The following ERAP1 variants were observed in gnomAD, a reference collection of about 807,000 sequenced individuals.
The protein encoded by ERAP1 is adipocyte-derived leucine aminopeptidase.
A neutral mutation model predicts 103.7 loss-of-function variants in ERAP1; 86 were observed. That is an observed-to-expected ratio of 0.83 (90% CI 0.70 to 0.99). ERAP1 has a LOEUF of 0.99. Ranked by LOEUF, ERAP1 falls within the 50% of genes least tolerant of loss-of-function variation. The pLI is 0.00. For missense variants in ERAP1, 1,009 were observed against 1,128.4 expected (o/e 0.89, Z 1.52); for synonymous variants, 398 against 402.4 (o/e 0.99, Z 0.13).
At chr5:96,842,965 G>A in the ERAP1 span, among the ~76,000 whole-genome samples, 3 of 152,068 alleles carry the variant, frequency 2.0e-5, no homozygotes, top group African/African-American at 7.2e-5. Context: ...TGTATAAGGC[G>A]AGGGGTGAGG....
chr5:96,815,784 C>CA, the ERAP1 span, among the ~76,000 whole-genome samples: 3 of 151,434 alleles, frequency 2.0e-5, no homozygotes, highest in Admixed American at 6.6e-5. Context: ...TAAATTGAAG[C>CA]AAAAAAATAC....
chr5:96,805,286 G>A (rs1225123181), intron 1 of ERAP1, among the ~76,000 whole-genome samples: 1 of 151,430 alleles, frequency 6.6e-6, no homozygotes, highest in African/African-American at 2.4e-5. Flanking sequence ...CAATTAAACT[G>A]GAACCTATGG....
the ERAP1 span, among the ~76,000 whole-genome samples, chr5:96,854,647 T>C: frequency 4.7e-4 from 71 of 152,298 alleles, no homozygotes; most frequent in Non-Finnish European, 8.7e-4. Flanking sequence ...AATACAGGTT[T>C]GAAATCAAGA....
chr5:96,795,586 AG>A (rs1209950939), intron 4 of ERAP1, among the ~76,000 whole-genome samples: 4 of 152,252 alleles, frequency 2.6e-5, no homozygotes, highest in Non-Finnish European at 5.9e-5. Context: ...GCCTGCCCAA[AG>A]TAGAAAGTCT....
At chr5:96,766,373 G>C (rs1769975818) in intron 19 of ERAP1, among the ~76,000 whole-genome samples, 1 of 152,118 alleles carries the variant, frequency 6.6e-6, no homozygotes, top group Non-Finnish European at 1.5e-5. Context: ...GTTGAATACT[G>C]TTCAGTCACT....
At chr5:96,850,208 C>T in the ERAP1 span, among the ~76,000 whole-genome samples, 1 of 152,078 alleles carries the variant, frequency 6.6e-6, no homozygotes, top group Admixed American at 6.6e-5. Flanking sequence ...CACCTGACTC[C>T]AAAGGCACAG....
At chr5:96,799,514 T>C (rs916823866) in intron 3 of ERAP1, among the ~76,000 whole-genome samples, 7 of 152,180 alleles carry the variant, frequency 4.6e-5, no homozygotes, top group Non-Finnish European at 7.3e-5. Context: ...ATTTAGACTG[T>C]AGCATCTTTG....
chr5:96,776,346 A>G lies in ERAP1; in HGVS notation c.*50T>C. 6 of 1,578,392 alleles carry G rather than the reference A, an allele frequency of 3.8e-6. No individual in the cohort carries two copies. Among genetic ancestry groups the G allele is most frequent in the Non-Finnish European group, 5.2e-6 (6 of 1,162,782 alleles). On this transcript the variant is annotated 3_prime_UTR_variant, in exon 19 of 19. Transcript: ENST00000443439. Reference sequence around the variant, plus strand: ...CATCTCTAGTTTGAAAATACACTCAACAAAATGTTGGTGATTAGAGATAAC... The same window carrying G: ...CATCTCTAGTTTGAAAATACACTCAGCAAAATGTTGGTGATTAGAGATAAC...
the ERAP1 span, among the ~76,000 whole-genome samples, chr5:96,834,767 A>G: frequency 6.6e-6 from 1 of 152,198 alleles, no homozygotes; most frequent in Non-Finnish European, 1.5e-5. Context: ...TAACATTTCT[A>G]TTTCACTGTT....
chr5:96,835,319 G>C, the ERAP1 span, among the ~76,000 whole-genome samples: 12 of 152,194 alleles, frequency 7.9e-5, no homozygotes, highest in African/African-American at 2.9e-4. Flanking sequence ...GACCTGTCAA[G>C]TTCCTGACAA....
At chr5:96,765,389 A>C in intron 19 of ERAP1, 1 of 778,026 alleles carries the variant, frequency 1.3e-6, no homozygotes, top group Non-Finnish European at 2.2e-6. Context: ...TTGGGTCTTG[A>C]CTCTGTCATT....
At chr5:96,874,166 GAA>G in the ERAP1 span, among the ~76,000 whole-genome samples, 3 of 93,816 alleles carry the variant, frequency 3.2e-5, no homozygotes, top group South Asian at 7.4e-4. Context: ...AAGAAAGAAA[GAA>G]AGAAAGAAAG....
chr5:96,853,612 G>T, the ERAP1 span, among the ~76,000 whole-genome samples: 2 of 152,022 alleles, frequency 1.3e-5, no homozygotes, highest in African/African-American at 4.8e-5. Flanking sequence ...CTCCCAGGAA[G>T]GGTTTTATGA....
chr5:96,880,237 C>A, the ERAP1 span: 1 of 1,612,562 alleles, frequency 6.2e-7, no homozygotes, highest in Admixed American at 1.7e-5. Flanking sequence ...AAAGCACATA[C>A]AGAACTCTTG....
chr5:96,803,864 C>G lies in ERAP1; in HGVS notation c.63G>C (p.Leu21Phe). 1 of 1,613,508 alleles carries G rather than the reference C, an allele frequency of 6.2e-7. No individual in the cohort carries two copies. The highest frequency in any genetic ancestry group is 8.5e-7 in the Non-Finnish European group (1 of 1,180,004). Residue 21 changes from leucine to phenylalanine, a missense_variant, in exon 2 of 19, where the codon TTG becomes TTC. Transcript: ENST00000443439. ...ATMSFLLSSLLALLTVSTPSW... is the reference protein window; with the variant it reads ...ATMSFLLSSLFALLTVSTPSW... ...AAGGAGTGGACACAGTTAAGAGAGC[C>G]AACAGTGAGGAAAGTAGAAATGACA...
the ERAP1 span, chr5:96,899,990 T>C: frequency 1.8e-6 from 2 of 1,099,600 alleles, no homozygotes; most frequent in Non-Finnish European, 2.6e-6. Flanking sequence ...TCCATTTTTA[T>C]GTTCATTATC....
chr5:96,769,391 T>A (rs1442671539), intron 19 of ERAP1: 1 of 135,488 alleles, frequency 7.4e-6, no homozygotes, highest in African/African-American at 2.6e-5. Flanking sequence ...ACAGGGTTTT[T>A]TTTTGTTTTT....
the ERAP1 span, chr5:96,903,420 T>C: frequency 6.2e-7 from 1 of 1,613,780 alleles, no homozygotes; most frequent in Non-Finnish European, 8.5e-7. Flanking sequence ...TGAAATTTAA[T>C]GTGGACTCAA....
the ERAP1 span, among the ~76,000 whole-genome samples, chr5:96,854,115 A>G: frequency 6.6e-6 from 1 of 151,810 alleles, no homozygotes; most frequent in East Asian, 1.9e-4. Context: ...AAACACAAAC[A>G]CACACACACA....
Sources: gnomAD v4.1 joint callset for allele counts (sites outside exome capture counted in the v4.1 genomes callset) on GRCh38, gnomAD v4.1.1 for gene constraint, MANE v1.5 for transcripts, NCBI Gene and HGNC (gene_info 2026-07-23, HGNC 2026-07-21) for gene names.